Variants in PCDHA7 observed in about 807,000 individuals in gnomAD.
The protein encoded by PCDHA7 is protocadherin alpha 7.
Under a neutral mutation model 57.2 loss-of-function variants are expected in PCDHA7, and 37 were observed. The observed-to-expected ratio is 0.65, with a 90% confidence interval of 0.50 to 0.85. The LOEUF is 0.85. PCDHA7 is among the 40% of genes least tolerant of loss of function. PCDHA7 has a pLI of 0.00. For synonymous variants in PCDHA7, 553 were observed against 558.8 expected, an observed-to-expected ratio of 0.99 and a Z score of 0.15; for missense variants, 1,188 against 1,241.8, an observed-to-expected ratio of 0.96 and a Z score of 0.65.
At chr5:141,009,279 A>T (rs2098404369) in intron 3 of PCDHA7, among the ~76,000 whole-genome samples, 1 of 152,124 alleles carries the variant, frequency 6.6e-6, no homozygotes, top group Non-Finnish European at 1.5e-5. Flanking sequence ...ACATAGTGAG[A>T]TCCCATTTCT....
intron 3 of PCDHA7, among the ~76,000 whole-genome samples, chr5:140,998,021 C>T (rs2097794085): frequency 6.6e-6 from 1 of 152,152 alleles, no homozygotes; most frequent in Non-Finnish European, 1.5e-5. Context: ...CCACCTCGAG[C>T]TAGTGCTATA....
intron 1 of PCDHA7, among the ~76,000 whole-genome samples, chr5:140,909,754 G>T (rs2074670000): frequency 6.6e-6 from 1 of 152,100 alleles, no homozygotes; most frequent in Non-Finnish European, 1.5e-5. Context: ...AATGACCACA[G>T]GATGAGTCCA....
At position 140,851,423 on chromosome 5, in the gene PCDHA7, A is replaced by T. The variant is rs967768563; in HGVS notation, c.2355+14685A>T. 1.1e-5 allele frequency: 10 copies of T among 949,488 alleles called. 1 individual carries two copies. Among genetic ancestry groups the T allele is most frequent in the Non-Finnish European group, 1.3e-5 (10 of 784,130 alleles). 58.8% of individuals were successfully genotyped at this position (949,488 alleles called of 1,614,324 possible). On this transcript the variant is annotated intron_variant, in intron 1 of 3. Coordinates refer to ENST00000525929, the MANE Select transcript of PCDHA7 (RefSeq NM_018910.3). ...TTAATAAGAAAGAAACTTCCCCTAA[A>T]CTTTAGAAAACAGTTGCTCCACTTT...
chr5:140,898,245 T>G (rs1583300763), intron 1 of PCDHA7, among the ~76,000 whole-genome samples: 1 of 152,246 alleles, frequency 6.6e-6, no homozygotes, highest in East Asian at 1.9e-4. Flanking sequence ...TTTGGTGTTT[T>G]AGACATGAAG....
At chr5:140,902,206 T>TC (rs2069239214) in intron 1 of PCDHA7, among the ~76,000 whole-genome samples, 1 of 145,724 alleles carries the variant, frequency 6.9e-6, no homozygotes, top group South Asian at 2.1e-4. Flanking sequence ...TCTCTTTCTT[T>TC]TTTTTTTTTT....
chr5:141,010,438 CA>C lies in PCDHA7; in HGVS notation c.*504del. ...TACAAGGAAGGCAAGAAAACAAAGA[CA>C]AATAAACAGCGGAAGTTATCAGTAT... On this transcript the variant is annotated 3_prime_UTR_variant, in exon 4 of 4. Transcript: ENST00000525929. 1.0e-6 allele frequency: 1 copy of C among 998,926 alleles called. No individual in the cohort carries two copies. The highest frequency in any genetic ancestry group is 1.4e-6 in the Non-Finnish European group (1 of 704,790). The allele number at this position is 998,926 out of a possible 1,614,324, so 61.9% of individuals were successfully genotyped here.
chr5:140,920,692 A>T (rs552577858), intron 1 of PCDHA7, among the ~76,000 whole-genome samples: 7 of 152,114 alleles, frequency 4.6e-5, no homozygotes, highest in Non-Finnish European at 7.4e-5. Flanking sequence ...AAAAATACAA[A>T]CATTAGCTTG....
rs921095598 is a variant in PCDHA7 at position 140,929,476 on chromosome 5, T to C, written c.2356-49473T>C. 1.0e-5 allele frequency: 13 copies of C among 1,254,174 alleles called. No individual in the cohort carries two copies. In the African/African-American group the frequency reaches 2.0e-4, roughly 19 times the overall value. 77.7% of individuals were successfully genotyped at this position (1,254,174 alleles called of 1,614,324 possible). On this transcript the variant is annotated intron_variant, in intron 1 of 3. Coordinates refer to ENST00000525929, the MANE Select transcript of PCDHA7 (RefSeq NM_018910.3). ...CTTCCTGTGCCAAGAAATCTGGAAG[T>C]ATAGAAGTATTAGAAGATTGCCCTA...
chr5:140,966,998 C>G, intron 1 of PCDHA7: 1 of 1,604,774 alleles, frequency 6.2e-7, no homozygotes. Context: ...GGGTTGCTTG[C>G]GCATCAACCA....
intron 3 of PCDHA7, among the ~76,000 whole-genome samples, chr5:140,999,867 C>A (rs1269782566): frequency 1.3e-5 from 2 of 152,190 alleles, no homozygotes; most frequent in African/African-American, 4.8e-5. Context: ...TCCAAGATTA[C>A]TGAAAATTAG....
rs1554158025 is a variant in PCDHA7, at chr5:140,863,249, T to G, written c.2355+26511T>G. On this transcript the variant is annotated intron_variant, in intron 1 of 3. Transcript: ENST00000525929. ...GTCCCATCGCGGGCTTTGGCGGGCGTCGAGGTCCGGGAGGCAGCGCTGGTG... is the reference window on the plus strand; with the variant it reads ...GTCCCATCGCGGGCTTTGGCGGGCGGCGAGGTCCGGGAGGCAGCGCTGGTG... The G allele has an allele frequency of 2.8e-6, 4 of 1,406,824 alleles. No homozygotes were observed. In the Admixed American group the frequency reaches 7.2e-5, roughly 25 times the overall value. The allele number at this position is 1,406,824 out of a possible 1,614,324, so 87.1% of individuals were successfully genotyped here.
chr5:140,904,552 T>C (rs1233525886), intron 1 of PCDHA7, among the ~76,000 whole-genome samples: 1 of 152,084 alleles, frequency 6.6e-6, no homozygotes, highest in Non-Finnish European at 1.5e-5. Flanking sequence ...TTTCATATAA[T>C]GACTTTTTTT....
At position 140,836,550 on chromosome 5, in the gene PCDHA7, T is replaced by G; in HGVS notation, c.2167T>G (p.Cys723Gly). The change falls in exon 1 of 4, where the codon TGC (cysteine) becomes GGC (glycine). Residue 723 changes from cysteine (C) to glycine (G), a missense_variant. Coordinates refer to ENST00000525929, the MANE Select transcript of PCDHA7 (RefSeq NM_018910.3). ...CCTGCTGCTGTACACGGCGTTGCGGTGCTCAGCGCCGTCCTCTGAGGGCGC... is the reference window on the plus strand; with the variant it reads ...CCTGCTGCTGTACACGGCGTTGCGGGGCTCAGCGCCGTCCTCTGAGGGCGC... ...LTLLLYTALR[C>G]SAPSSEGACS... The G allele has an allele frequency of 6.2e-7, 1 of 1,613,712 alleles. No individual in the cohort carries two copies. Among genetic ancestry groups the G allele is most frequent in the Non-Finnish European group, 8.5e-7 (1 of 1,179,820 alleles).
intron 1 of PCDHA7, chr5:140,883,205 A>C: frequency 6.2e-7 from 1 of 1,614,036 alleles, no homozygotes; most frequent in Non-Finnish European, 8.5e-7. Flanking sequence ...TTTCGAAGAA[A>C]AGAAATTATA....
At position 141,010,458 on chromosome 5, in the gene PCDHA7, T is replaced by C. The variant is rs2098417373; in HGVS notation, c.*521T>C. The C allele has an allele frequency of 1.1e-6, 1 of 871,194 alleles. No individual in the cohort carries two copies. The highest frequency in any genetic ancestry group is 1.7e-6 in the Non-Finnish European group (1 of 592,130). 54.0% of individuals were successfully genotyped at this position (871,194 alleles called of 1,614,324 possible). On this transcript the variant is annotated 3_prime_UTR_variant, in exon 4 of 4. Coordinates refer to ENST00000525929, the MANE Select transcript of PCDHA7 (RefSeq NM_018910.3). ...AAAGACAAATAAACAGCGGAAGTTA[T>C]CAGTATGGAGGGGAAGTGTAAACTT...
chr5:140,954,724 C>T (rs2095079319), intron 1 of PCDHA7, among the ~76,000 whole-genome samples: 1 of 152,196 alleles, frequency 6.6e-6, no homozygotes, highest in Admixed American at 6.5e-5. Context: ...TGTAGGTTGT[C>T]TTTTCACTCT....
At chr5:140,888,189 T>C (rs1554183360) in intron 1 of PCDHA7, among the ~76,000 whole-genome samples, 2 of 152,344 alleles carry the variant, frequency 1.3e-5, no homozygotes. Flanking sequence ...TTGTGAATTT[T>C]ACATTGTCGG....
chr5:140,874,868 T>C (rs1554167378), intron 1 of PCDHA7, among the ~76,000 whole-genome samples: 1 of 152,254 alleles, frequency 6.6e-6, no homozygotes, highest in Non-Finnish European at 1.5e-5. Flanking sequence ...TTATCCTTTG[T>C]TAAATACAAA....
intron 1 of PCDHA7, chr5:140,968,411 G>C (rs895173088): frequency 1.9e-6 from 3 of 1,614,012 alleles, no homozygotes; most frequent in South Asian, 1.1e-5. Context: ...CTTTGTGACT[G>C]TGGAGGCTCA....
Sources: gnomAD v4.1 joint callset for allele counts (sites outside exome capture counted in the v4.1 genomes callset) on GRCh38, gnomAD v4.1.1 for gene constraint, MANE v1.5 for transcripts, NCBI Gene and HGNC (gene_info 2026-07-23, HGNC 2026-07-21) for gene names.